DYNC1I1: variants seen among roughly 807,000 people sequenced by gnomAD.
DYNC1I1 encodes dynein cytoplasmic 1 intermediate chain 1.
Under a neutral mutation model 86.6 loss-of-function variants are expected in DYNC1I1, and 43 were observed. The ratio of observed to expected loss-of-function variants is 0.50; its 90% CI spans 0.39 to 0.64. The LOEUF (loss-of-function observed/expected upper bound fraction) is 0.64. Ranked by LOEUF, DYNC1I1 falls within the 30% of genes least tolerant of loss-of-function variation. DYNC1I1 has a pLI of 0.00. For missense variants in DYNC1I1, 604 were observed against 788.8 expected (o/e 0.77, Z 2.81); for synonymous variants, 262 against 283.7 (o/e 0.92, Z 0.77).
At chr7:95,889,449 C>T (rs1790680268) in intron 6 of DYNC1I1, among the ~76,000 whole-genome samples, 1 of 152,032 alleles carries the variant, frequency 6.6e-6, no homozygotes, top group South Asian at 2.1e-4. Context: ...AGAATCAACT[C>T]AACATGGATT....
At chr7:95,967,775 T>C (rs2116529819) in intron 6 of DYNC1I1, among the ~76,000 whole-genome samples, 1 of 152,180 alleles carries the variant, frequency 6.6e-6, no homozygotes, top group East Asian at 1.9e-4. Flanking sequence ...TAGGTGCTCA[T>C]ATTTTGTAAC....
At chr7:95,959,676 G>C (rs548376091) in intron 6 of DYNC1I1, among the ~76,000 whole-genome samples, 1 of 152,044 alleles carries the variant, frequency 6.6e-6, no homozygotes, top group African/African-American at 2.4e-5. Flanking sequence ...TTTACATACC[G>C]GTTCTATTCT....
Position 96,093,934 on chromosome 7 carries a change from AATAGAAACT to A in DYNC1I1, c.1777-3548_1777-3540del, listed in dbSNP as rs1279172791. ...ACTCTAGATTTAGCCTTTATGCCTT[AATAGAAACT>A]TGAAGAGATGCTGAAGCAATGTTAT... is the stretch of plus-strand genomic sequence containing the variant. On this transcript the variant is annotated intron_variant, in intron 16 of 16. Transcript: ENST00000447467. Among the ~76,000 whole-genome samples the A allele has an allele frequency of 6.6e-5, 10 of 152,302 alleles. No homozygotes were observed. The South Asian group carries it at 2.1e-3, about 32-fold the overall frequency.
chr7:95,921,895 A>G (rs1791620386), intron 6 of DYNC1I1, among the ~76,000 whole-genome samples: 3 of 152,194 alleles, frequency 2.0e-5, no homozygotes, highest in Non-Finnish European at 4.4e-5. Context: ...GCTTTGTGCA[A>G]TTACTGAGTA....
intron 10 of DYNC1I1, among the ~76,000 whole-genome samples, chr7:96,026,942 C>A (rs1174096678): frequency 6.6e-6 from 1 of 152,228 alleles, no homozygotes; most frequent in East Asian, 1.9e-4. Flanking sequence ...ACATTCAAGG[C>A]TGCTACTTGG....
intron 1 of DYNC1I1, among the ~76,000 whole-genome samples, chr7:95,773,489 T>A (rs959109966): frequency 6.6e-6 from 1 of 152,132 alleles, no homozygotes; most frequent in Non-Finnish European, 1.5e-5. Flanking sequence ...TGATGGGAAC[T>A]GAGTGTGCGG....
At chr7:96,067,656 G>T (rs1003991778) in intron 14 of DYNC1I1, among the ~76,000 whole-genome samples, 1 of 151,956 alleles carries the variant, frequency 6.6e-6, no homozygotes, top group African/African-American at 2.4e-5. Flanking sequence ...AAATATTTAT[G>T]CAGACGTGTG....
At chr7:96,082,296 C>G (rs42078) in intron 16 of DYNC1I1, among the ~76,000 whole-genome samples, 133,538 of 151,594 alleles carry the variant, frequency 0.88, 58,988 homozygotes, top group East Asian at 0.98. Flanking sequence ...AAAAAAAAAG[C>G]CTTTTCTCTC....
chr7:95,777,629 G>T, intron 1 of DYNC1I1, among the ~76,000 whole-genome samples: 1 of 152,098 alleles, frequency 6.6e-6, no homozygotes, highest in East Asian at 1.9e-4. Flanking sequence ...TGATCGCATA[G>T]AACAACCCAC....
chr7:95,938,200 G>A (rs1251045420), intron 6 of DYNC1I1, among the ~76,000 whole-genome samples: 1 of 152,134 alleles, frequency 6.6e-6, no homozygotes, highest in East Asian at 1.9e-4. Flanking sequence ...ATCTAGATGA[G>A]TGTATCTTAC....
chr7:95,817,328 G>A (rs1382823689), intron 4 of DYNC1I1, among the ~76,000 whole-genome samples: 1 of 152,032 alleles, frequency 6.6e-6, no homozygotes, highest in African/African-American at 2.4e-5. Context: ...ACAGAGTGTT[G>A]TTTTGCTACA....
At chr7:95,824,000 T>G (rs1285042486) in intron 4 of DYNC1I1, among the ~76,000 whole-genome samples, 8 of 121,742 alleles carry the variant, frequency 6.6e-5, no homozygotes, top group South Asian at 2.6e-4. Flanking sequence ...TTTGTTTTTT[T>G]TTTTTTTTTT....
At chr7:95,962,704 C>A (rs78967303) in intron 6 of DYNC1I1, among the ~76,000 whole-genome samples, 2,597 of 152,186 alleles carry the variant, frequency 0.017, 89 homozygotes, top group African/African-American at 0.059. Flanking sequence ...TAAAGTAGAT[C>A]TTAAAGAAGC....
chr7:95,970,701 T>C (rs1209784908), intron 6 of DYNC1I1, among the ~76,000 whole-genome samples: 4 of 152,210 alleles, frequency 2.6e-5, no homozygotes, highest in African/African-American at 9.6e-5. Flanking sequence ...CAGTCTCCTG[T>C]TTTCATATTA....
At chr7:96,079,438 T>C (rs906868463) in intron 15 of DYNC1I1, among the ~76,000 whole-genome samples, 1 of 152,196 alleles carries the variant, frequency 6.6e-6, no homozygotes, top group African/African-American at 2.4e-5. Context: ...GAGCTTTATG[T>C]CAATTATAAA....
chr7:96,014,888 G>A (rs1387505543), intron 10 of DYNC1I1, among the ~76,000 whole-genome samples: 2 of 152,240 alleles, frequency 1.3e-5, no homozygotes, highest in East Asian at 3.9e-4. Context: ...TCTTACCAGG[G>A]CAGGATGGAG....
chr7:95,816,054 A>T (rs1018737257), intron 4 of DYNC1I1, among the ~76,000 whole-genome samples: 2 of 151,026 alleles, frequency 1.3e-5, no homozygotes, highest in African/African-American at 4.9e-5. Context: ...GTCTTGCTCC[A>T]TTGCCCAGGC....
intron 2 of DYNC1I1, among the ~76,000 whole-genome samples, chr7:95,805,853 AC>A (rs1171567308): frequency 6.6e-6 from 1 of 152,218 alleles, no homozygotes; most frequent in Non-Finnish European, 1.5e-5. Flanking sequence ...TTGATGCCTT[AC>A]AATCTAAATA....
intron 10 of DYNC1I1, among the ~76,000 whole-genome samples, chr7:96,013,358 G>C (rs1455137528): frequency 5.3e-5 from 8 of 152,190 alleles, no homozygotes; most frequent in Admixed American, 3.3e-4. Context: ...ACGTAGCACT[G>C]TCTACCCCTC....
Sources: allele counts gnomAD v4.1 joint callset (sites outside exome capture counted in the v4.1 genomes callset), GRCh38; gene constraint gnomAD v4.1.1; transcripts MANE v1.5; gene names NCBI Gene and HGNC (gene_info 2026-07-23, HGNC 2026-07-21).